The following CDAN1 variants were observed in gnomAD, a reference collection of about 807,000 sequenced individuals.
The protein encoded by CDAN1 is codanin 1, also known as codanin-1.
Under a neutral mutation model 139.8 loss-of-function variants are expected in CDAN1, and 107 were observed. The observed-to-expected ratio is 0.77, with a 90% CI of 0.65 to 0.90. The LOEUF is 0.90. Ranked by LOEUF, CDAN1 falls within the 40% of genes least tolerant of loss-of-function variation. The pLI is 0.00. For missense variants in CDAN1, 1,667 were observed against 1,575.7 expected (o/e 1.06, Z -0.98); for synonymous variants, 776 against 660.6 (o/e 1.17, Z -2.68).
At chr15:42,724,778 G>T in intron 27 of CDAN1, 162 bp from the exon 28 acceptor site, 1 of 949,744 alleles carries the variant, frequency 1.1e-6, no homozygotes, top group Non-Finnish European at 1.6e-6. Flanking sequence ...TAGTACTCTG[G>T]GAGGCTGAAG....
In CDAN1 at chr15:42,725,588, C is replaced by T. The variant is rs757150645; in HGVS notation, c.3351G>A (p.Leu1117=). 1.9e-6 allele frequency: 3 copies of T among 1,614,046 alleles called. No homozygotes were observed. The African/African-American group carries it at 4.0e-5, about 22-fold the overall frequency. Residue 1117 remains leucine, a synonymous_variant, in exon 26 of 28, where the codon CTG becomes CTA. Coordinates refer to ENST00000356231, the MANE Select transcript of CDAN1 (RefSeq NM_138477.4). The stretch of plus-strand genomic sequence containing the variant: ...GAAAGTCTTCCTTCCACAAGGAAAG[C>T]AGCATGTGCAGAAGCCTTCGAGCCT... ...RGQARRLLHM[L]LSLWKEDFQG... is the part of the protein sequence containing the mutation.
chr15:42,732,603 G>A (rs1175316578), intron 9 of CDAN1, among the ~76,000 whole-genome samples, 195 bp from the exon 10 acceptor site: 1 of 152,182 alleles, frequency 6.6e-6, no homozygotes, highest in African/African-American at 2.4e-5. Context: ...GGCTAGAGGT[G>A]CACTTAACCA....
chr15:42,728,072 G>T, intron 21 of CDAN1, 39 bp from the exon 22 acceptor site: 1 of 1,605,022 alleles, frequency 6.2e-7, no homozygotes. Context: ...CTAGGGGAGG[G>T]CTGGGTGCAA....
intron 17 of CDAN1, 63 bp from the exon 18 acceptor site, chr15:42,729,425 C>T: frequency 6.2e-7 from 1 of 1,610,074 alleles, no homozygotes; most frequent in Non-Finnish European, 8.5e-7. Flanking sequence ...GTATCATGGA[C>T]TTTACTTGTG....
In CDAN1 at chr15:42,729,236, C is replaced by G. The variant is rs779110523; in HGVS notation, c.2534G>C (p.Gly845Ala). The G allele has an allele frequency of 1.2e-6, 2 of 1,613,960 alleles. No homozygotes were observed. Among genetic ancestry groups the G allele is most frequent in the Admixed American group, 3.3e-5 (2 of 60,024 alleles). ...LGAQPSQTSQ[G>A]LQAQLAQAFF... ...TCTCCGCCCTGCCCTTACCTGCAGC[C>G]CCTGGCTGGTCTGGGAAGGCTGGGC... The change falls in exon 18 of 28, where the codon GGG (glycine) becomes GCG (alanine). Residue 845 changes from glycine (G) to alanine (A), a missense_variant. This residue lies in a region of CDAN1 where 936 missense variants were observed against 844.1 expected (regional missense o/e 1.11). Transcript: ENST00000356231.
intron 8 of CDAN1, among the ~76,000 whole-genome samples, chr15:42,733,584 A>G (rs1490939937): frequency 6.6e-6 from 1 of 152,080 alleles, no homozygotes; most frequent in East Asian, 1.9e-4. Flanking sequence ...CAGCAGCCCC[A>G]TTTTTAAATT....
At position 42,726,369 on chromosome 15, in the gene CDAN1, A is replaced by T; in HGVS notation, c.3145T>A (p.Ser1049Thr). The T allele has an allele frequency of 1.3e-6, 2 of 1,598,828 alleles. No individual in the cohort carries two copies. The highest frequency in any genetic ancestry group is 1.7e-6 in the Non-Finnish European group (2 of 1,172,928). ...VGPRDPDEGVSPEHLEQLLGQ... is the reference protein window; with the variant it reads ...VGPRDPDEGVTPEHLEQLLGQ... ...AGGAGCTGTTCCAGATGCTCTGGGG[A>T]GACTCCCTCGTCAGGGTCCCGTGGC... The change falls in exon 24 of 28, where the codon TCC becomes ACC. Residue 1049 changes from serine to threonine, a missense_variant. Around this residue, in one of 3 missense-constraint regions of CDAN1, gnomAD observed 936 missense variants for 844.1 expected, o/e 1.11. Transcript: ENST00000356231.
At chr15:42,728,529 C>T (rs1024200094) in intron 20 of CDAN1, 123 bp downstream of exon 20, 65 of 1,384,312 alleles carry the variant, frequency 4.7e-5, no homozygotes, top group Admixed American at 6.8e-5. Context: ...AGAGAATGGG[C>T]GCAGGGAGAA....
chr15:42,733,185 C>T lies in CDAN1; in HGVS notation c.1369G>A (p.Asp457Asn). The T allele has an allele frequency of 6.2e-7, 1 of 1,614,018 alleles. No individual in the cohort carries two copies. The highest frequency in any genetic ancestry group is 2.2e-5 in the East Asian group (1 of 44,888). Residue 457 changes from aspartate to asparagine, a missense_variant and splice_region_variant, in exon 9 of 28, where the codon GAT becomes AAT. This residue lies in a region of CDAN1 where 244 missense variants were observed against 309.4 expected (regional missense o/e 0.79). Transcript: ENST00000356231. Reference sequence around the variant, plus strand: ...TCTCGCAGCACCTCATAAAACACATCCCTGACGCATAAGAACGCCTGATCA... The same window carrying T: ...TCTCGCAGCACCTCATAAAACACATTCCTGACGCATAAGAACGCCTGATCA... ...RAFHTFKKQR[D>N]VFYEVLREWE...
intron 23 of CDAN1, 136 bp from the exon 24 acceptor site, chr15:42,726,553 C>G: frequency 1.5e-6 from 1 of 684,838 alleles, no homozygotes; most frequent in Non-Finnish European, 2.6e-6. Context: ...AGCCAAGTTG[C>G]CCCTAGACCT....
chr15:42,735,998 G>A lies in CDAN1; in HGVS notation c.650C>T (p.Ser217Leu). Reference protein sequence around the residue: ...SLSKPKTCFTSPPISCVPSSQ... With the variant: ...SLSKPKTCFTLPPISCVPSSQ... ...ACTGGGGACACAGCTGATTGGGGGTGAGGTGAAGCAGGTCTTGGGCTTGGA... is the reference window on the plus strand; with the variant it reads ...ACTGGGGACACAGCTGATTGGGGGTAAGGTGAAGCAGGTCTTGGGCTTGGA... The change falls in exon 3 of 28, where the codon TCA becomes TTA. Residue 217 changes from serine (S) to leucine (L), a missense_variant. Ser to Leu is a moderately radical substitution (Grantham distance 145). Around this residue, in one of 3 missense-constraint regions of CDAN1, gnomAD observed 487 missense variants for 422.2 expected, o/e 1.15. Coordinates refer to ENST00000356231, the MANE Select transcript of CDAN1 (RefSeq NM_138477.4). 1 of 1,614,208 alleles carries A rather than the reference G, an allele frequency of 6.2e-7. No individual in the cohort carries two copies. Among genetic ancestry groups the A allele is most frequent in the Non-Finnish European group, 8.5e-7 (1 of 1,180,032 alleles).
rs540029822 is a variant in CDAN1, at chr15:42,733,041, G to T, written c.1457+56C>A. 3.4e-6 allele frequency: 5 copies of T among 1,473,910 alleles called. No homozygotes were observed. In the East Asian group the frequency reaches 1.1e-4, roughly 33 times the overall value. The allele number at this position is 1,473,910 out of a possible 1,614,324, so 91.3% of individuals were successfully genotyped here. The stretch of plus-strand genomic sequence containing the variant: ...CCCTCCTCCTCCCTCCTGCCACCGA[G>T]CAAGCACTGAGCTACTCATTGCCAG... On this transcript the variant is annotated intron_variant, in intron 9 of 27. Transcript: ENST00000356231.
Position 42,732,398 on chromosome 15 carries a change from C to T in CDAN1, c.1468G>A (p.Gly490Ser), listed in dbSNP as rs764116585. ...TGGCTGCAGGCTGCGGAGAGCTGAC[C>T]CATCATGGCCCTGAGGAATAGAAGG... ...GLGSRIRAMM[G>S]QLSAACSHSH... Residue 490 changes from glycine to serine, a missense_variant, in exon 10 of 28, where the codon GGT becomes AGT. This residue lies in a region of CDAN1 where 244 missense variants were observed against 309.4 expected (regional missense o/e 0.79). Coordinates refer to ENST00000356231, the MANE Select transcript of CDAN1 (RefSeq NM_138477.4). 1.9e-6 allele frequency: 3 copies of T among 1,613,846 alleles called. No individual in the cohort carries two copies. In the South Asian group the frequency reaches 3.3e-5, roughly 18 times the overall value.
At chr15:42,724,744 G>T in intron 27 of CDAN1, 128 bp from the exon 28 acceptor site, 1 of 1,169,270 alleles carries the variant, frequency 8.6e-7, no homozygotes, top group Non-Finnish European at 1.2e-6. Context: ...ACACTGAAAT[G>T]GACATGAAAC....
At position 42,735,921 on chromosome 15, in the gene CDAN1, C is replaced by G; in HGVS notation, c.727G>C (p.Gly243Arg). The change falls in exon 3 of 28, where the codon GGG becomes CGG. Residue 243 changes from glycine to arginine, a missense_variant. Coordinates refer to ENST00000356231, the MANE Select transcript of CDAN1 (RefSeq NM_138477.4). ...TSPWGLGLPPGCRSLQEEREM... is the reference protein window; with the variant it reads ...TSPWGLGLPPRCRSLQEEREM... ...CGCTCCTCTTGCAGACTTCTGCACC[C>G]TGGGGGAAGGCCAAGGCCCCAAGGG... 1 of 1,614,166 alleles carries G rather than the reference C, an allele frequency of 6.2e-7. No homozygotes were observed. Among genetic ancestry groups the G allele is most frequent in the Non-Finnish European group, 8.5e-7 (1 of 1,180,026 alleles).
At chr15:42,732,122 G>T (rs534382135) in intron 10 of CDAN1, among the ~76,000 whole-genome samples, 1 of 152,262 alleles carries the variant, frequency 6.6e-6, no homozygotes, top group Non-Finnish European at 1.5e-5. Context: ...GCAGGCTAGA[G>T]GAGCTGCAGG....
chr15:42,730,018 T>G, intron 15 of CDAN1, 110 bp downstream of exon 15: 2 of 1,271,584 alleles, frequency 1.6e-6, no homozygotes, highest in South Asian at 2.4e-5. Flanking sequence ...CCCCAGGCCT[T>G]TCCTGAACCT....
At chr15:42,727,547 T>TGA in intron 23 of CDAN1, 74 bp downstream of exon 23, 1 of 1,363,810 alleles carries the variant, frequency 7.3e-7, no homozygotes, top group East Asian at 2.5e-5. Flanking sequence ...GGAGCTGATG[T>TGA]GAGAAAGGAA....
Position 42,736,297 on chromosome 15 carries a change from C to G in CDAN1, c.569+5G>C. 2.5e-6 allele frequency: 4 copies of G among 1,613,570 alleles called. No individual in the cohort carries two copies. Among genetic ancestry groups the G allele is most frequent in the Non-Finnish European group, 3.4e-6 (4 of 1,179,960 alleles). ...CCCATCTCCTGCATGAGAGCTGAGT[C>G]TCACCCTGTAGGGCCGGGGGGAACC... On this transcript the variant is annotated splice_donor_5th_base_variant and intron_variant, in intron 2 of 27. Coordinates refer to ENST00000356231, the MANE Select transcript of CDAN1 (RefSeq NM_138477.4).
Sources: allele counts gnomAD v4.1 joint callset (sites outside exome capture counted in the v4.1 genomes callset), GRCh38; gene constraint gnomAD v4.1.1; regional missense constraint gnomAD v4.1.1; transcripts MANE v1.5; gene names NCBI Gene and HGNC (gene_info 2026-07-23, HGNC 2026-07-21).